The following SH3BGRL2 variants were observed in gnomAD, a reference collection of about 807,000 sequenced individuals.
SH3BGRL2 encodes the protein SH3 domain-binding glutamic acid-rich-like protein 2.
A neutral mutation model predicts 14.8 loss-of-function variants in SH3BGRL2; 21 were observed. The ratio of observed to expected loss-of-function variants is 1.42; its 90% CI spans 1.01 to 2.05. SH3BGRL2 has a LOEUF of 2.05. Among genes scored for constraint, SH3BGRL2 ranks in the 30% most tolerant of loss-of-function variants. The pLI, the probability that SH3BGRL2 is intolerant of heterozygous loss-of-function variation, is 0.00. For synonymous variants in SH3BGRL2, 50 were observed against 47.8 expected (o/e 1.05, Z -0.19); for missense variants, 147 against 130.8 (o/e 1.12, Z -0.61).
At chr6:79,624,415 TTAAAAATCAAAA>T in the SH3BGRL2 span, among the ~76,000 whole-genome samples, 5 of 151,578 alleles carry the variant, frequency 3.3e-5, no homozygotes, top group Non-Finnish European at 5.9e-5. Flanking sequence ...TCCTACAAGA[TTAAAAATCAAAA>T]TAAAAATAAA....
chr6:79,582,410 A>C, the SH3BGRL2 span, among the ~76,000 whole-genome samples: 312 of 152,326 alleles, frequency 2.0e-3, no homozygotes, highest in Non-Finnish European at 3.8e-3. Flanking sequence ...AGTAACCAAA[A>C]CAGCATGGTA....
At chr6:79,696,954 G>T (rs1262313150) in intron 3 of SH3BGRL2, among the ~76,000 whole-genome samples, 1 of 151,934 alleles carries the variant, frequency 6.6e-6, no homozygotes, top group South Asian at 2.1e-4. Context: ...CATTGGAGAA[G>T]AGATGGTCTA....
the SH3BGRL2 span, among the ~76,000 whole-genome samples, chr6:79,594,625 C>G: frequency 6.6e-6 from 1 of 152,030 alleles, no homozygotes; most frequent in Non-Finnish European, 1.5e-5. Flanking sequence ...TGGGAAAGGT[C>G]AAGACAGCTG....
intron 1 of SH3BGRL2, among the ~76,000 whole-genome samples, chr6:79,636,016 T>C (rs55649011): frequency 0.12 from 18,082 of 152,240 alleles, 1,251 homozygotes; most frequent in Non-Finnish European, 0.15. Flanking sequence ...GATGTGATCA[T>C]GTAGAATAGA....
intron 2 of SH3BGRL2, among the ~76,000 whole-genome samples, chr6:79,691,568 A>G (rs903181985): frequency 7.3e-6 from 1 of 136,728 alleles, no homozygotes; most frequent in African/African-American, 2.8e-5. Context: ...ATGTGTTCTC[A>G]TTGTTCAATT....
the SH3BGRL2 span, among the ~76,000 whole-genome samples, chr6:79,607,255 T>C: frequency 6.6e-6 from 1 of 152,088 alleles, no homozygotes; most frequent in Non-Finnish European, 1.5e-5. Flanking sequence ...AGCCTTGCAA[T>C]AGAGAATGAA....
chr6:79,558,708 A>C, the SH3BGRL2 span, among the ~76,000 whole-genome samples: 1 of 151,900 alleles, frequency 6.6e-6, no homozygotes, highest in Non-Finnish European at 1.5e-5. Flanking sequence ...CTATAAAAAA[A>C]AAAATACAAA....
chr6:79,596,069 T>A, the SH3BGRL2 span, among the ~76,000 whole-genome samples: 1 of 152,192 alleles, frequency 6.6e-6, no homozygotes, highest in Admixed American at 6.5e-5. Context: ...CCATTTAAAA[T>A]AGCATCAGAA....
chr6:79,689,788 T>C (rs1397815143), intron 2 of SH3BGRL2, among the ~76,000 whole-genome samples: 1 of 152,204 alleles, frequency 6.6e-6, no homozygotes, highest in Non-Finnish European at 1.5e-5. Context: ...ACCTGAAATA[T>C]AAACATTAAG....
At chr6:79,550,978 T>C in the SH3BGRL2 span, among the ~76,000 whole-genome samples, 4 of 152,116 alleles carry the variant, frequency 2.6e-5, no homozygotes, top group Admixed American at 2.6e-4. Context: ...TCTACAAAAG[T>C]CAGTGGTCAA....
the SH3BGRL2 span, among the ~76,000 whole-genome samples, chr6:79,542,409 A>G: frequency 6.6e-6 from 1 of 151,940 alleles, no homozygotes; most frequent in Non-Finnish European, 1.5e-5. Context: ...AGTTGGGATT[A>G]CAGGCATGCA....
At chr6:79,555,731 A>C in the SH3BGRL2 span, among the ~76,000 whole-genome samples, 1 of 152,070 alleles carries the variant, frequency 6.6e-6, no homozygotes. Context: ...GATGGTCTCG[A>C]TCTCCTGACC....
chr6:79,583,144 G>A, the SH3BGRL2 span, among the ~76,000 whole-genome samples: 7 of 152,188 alleles, frequency 4.6e-5, no homozygotes, highest in Admixed American at 1.3e-4. Flanking sequence ...AGATGCTGGC[G>A]AGGAAGTGGA....
chr6:79,676,645 A>G (rs62411076), intron 2 of SH3BGRL2, among the ~76,000 whole-genome samples: 43,834 of 127,334 alleles, frequency 0.34, 7,054 homozygotes, highest in South Asian at 0.48. Context: ...GTGTGTATAT[A>G]TATATAATCT....
intron 3 of SH3BGRL2, among the ~76,000 whole-genome samples, chr6:79,698,135 C>T (rs1044149907): frequency 4.6e-5 from 7 of 152,076 alleles, no homozygotes; most frequent in African/African-American, 1.4e-4. Context: ...TTCAGCCCAC[C>T]GTTTTCAGGG....
chr6:79,607,169 G>T, the SH3BGRL2 span, among the ~76,000 whole-genome samples: 1 of 152,292 alleles, frequency 6.6e-6, no homozygotes. Flanking sequence ...GTTGTAGTTT[G>T]GTTCAGCTGG....
At position 79,631,342 on chromosome 6, in the gene SH3BGRL2, C is replaced by T; in HGVS notation, c.-120C>T. 1 of 907,826 alleles carries T rather than the reference C, an allele frequency of 1.1e-6. No homozygotes were observed. Among genetic ancestry groups the T allele is most frequent in the East Asian group, 3.3e-5 (1 of 30,104 alleles). 56.2% of individuals were successfully genotyped at this position (907,826 alleles called of 1,614,324 possible). On this transcript the variant is annotated 5_prime_UTR_variant, in exon 1 of 4. Coordinates refer to ENST00000369838, the MANE Select transcript of SH3BGRL2 (RefSeq NM_031469.4). The stretch of plus-strand genomic sequence containing the variant: ...CGGGAGGGAGCCAGATCCCAGCGAT[C>T]TTCCCCGACGGCAGCGCTTTACCCA...
rs1312307094 is a variant in SH3BGRL2, at chr6:79,701,608, T to G, written c.*2099T>G. The G allele has an allele frequency of 6.7e-6, 1 of 150,328 alleles. No individual in the cohort carries two copies. Among genetic ancestry groups the G allele is most frequent in the Non-Finnish European group, 1.5e-5 (1 of 67,626 alleles). 9.3% of individuals were successfully genotyped at this position (150,328 alleles called of 1,614,324 possible). ...TGTGCCATCTCCCCACCCCATTTTT[T>G]TTTTTTTTTTTTTGATCAGCAAAGA... On this transcript the variant is annotated 3_prime_UTR_variant, in exon 4 of 4. Transcript: ENST00000369838.
the SH3BGRL2 span, among the ~76,000 whole-genome samples, chr6:79,595,717 A>G: frequency 6.6e-6 from 1 of 152,250 alleles, no homozygotes; most frequent in Admixed American, 6.5e-5. Flanking sequence ...CTTTTGTCAT[A>G]CTTAATGGTA....
Sources: gnomAD v4.1 joint callset for allele counts (sites outside exome capture counted in the v4.1 genomes callset) on GRCh38, gnomAD v4.1.1 for gene constraint, MANE v1.5 for transcripts, NCBI Gene and HGNC (gene_info 2026-07-23, HGNC 2026-07-21) for gene names.